CDYL2: variants seen among roughly 807,000 people sequenced by gnomAD.
CDYL2 encodes chromodomain Y-like protein 2.
In CDYL2, 23 loss-of-function variants were observed where a neutral mutation model predicts 49.4. The observed-to-expected ratio is 0.47, with a 90% CI of 0.34 to 0.66. The LOEUF is 0.66. Among genes scored for constraint, CDYL2 ranks in the 30% least tolerant of loss-of-function variants. The pLI, the probability that CDYL2 is intolerant of heterozygous loss-of-function variation, is 0.01. For synonymous variants in CDYL2, 360 were observed against 268.8 expected (o/e 1.34, Z -3.32); for missense variants, 678 against 656.4 (o/e 1.03, Z -0.36).
At chr16:80,759,925 A>G (rs1477575227) in intron 1 of CDYL2, among the ~76,000 whole-genome samples, 1 of 152,216 alleles carries the variant, frequency 6.6e-6, no homozygotes, top group African/African-American at 2.4e-5. Flanking sequence ...ACTGACTCAG[A>G]CTATTTAGAA....
chr16:80,715,412 C>G (rs1310241379), intron 1 of CDYL2, among the ~76,000 whole-genome samples: 1 of 152,144 alleles, frequency 6.6e-6, no homozygotes, highest in Non-Finnish European at 1.5e-5. Flanking sequence ...ATTCTGACAA[C>G]CAGAGGGCCC....
intron 1 of CDYL2, among the ~76,000 whole-genome samples, chr16:80,700,804 T>C (rs961586281): frequency 6.6e-6 from 1 of 152,268 alleles, no homozygotes; most frequent in African/African-American, 2.4e-5. Flanking sequence ...TAGGTTCACA[T>C]CATGCTAGCT....
intron 1 of CDYL2, among the ~76,000 whole-genome samples, chr16:80,710,352 G>T (rs1904553445): frequency 6.6e-6 from 1 of 152,148 alleles, no homozygotes; most frequent in African/African-American, 2.4e-5. Context: ...AACCCTTCCA[G>T]CAGTCACATA....
At chr16:80,692,891 A>AT (rs1279871128) in intron 1 of CDYL2, among the ~76,000 whole-genome samples, 1 of 152,176 alleles carries the variant, frequency 6.6e-6, no homozygotes, top group Non-Finnish European at 1.5e-5. Context: ...TGATCAGAGC[A>AT]TTTTTTCTCA....
chr16:80,710,218 T>G (rs139010673), intron 1 of CDYL2, among the ~76,000 whole-genome samples: 59 of 152,246 alleles, frequency 3.9e-4, no homozygotes, highest in African/African-American at 1.4e-3. Context: ...TGAGCCACCA[T>G]GCCTGGCCTG....
upstream of CDYL2, among the ~76,000 whole-genome samples, chr16:80,804,643 G>A (rs1440149818): frequency 6.9e-6 from 1 of 144,970 alleles, no homozygotes; most frequent in Non-Finnish European, 1.5e-5. Context: ...CCCCCGGGGC[G>A]GGGAGGCGGG....
chr16:80,703,318 G>T (rs1429346883), intron 1 of CDYL2, among the ~76,000 whole-genome samples: 2 of 152,150 alleles, frequency 1.3e-5, no homozygotes, highest in Admixed American at 1.3e-4. Context: ...ACTAGACTGT[G>T]GCCTCCTTGA....
intron 2 of CDYL2, among the ~76,000 whole-genome samples, chr16:80,663,509 T>G (rs1209171626): frequency 6.6e-6 from 1 of 152,224 alleles, no homozygotes; most frequent in Non-Finnish European, 1.5e-5. Flanking sequence ...CTTCGAATTT[T>G]AAGAAAGTTT....
intron 1 of CDYL2, among the ~76,000 whole-genome samples, chr16:80,762,526 A>G (rs978291652): frequency 4.6e-5 from 7 of 152,242 alleles, no homozygotes; most frequent in Admixed American, 3.3e-4. Context: ...ATTTCAGGCC[A>G]AAGCGTGATG....
At chr16:80,734,958 T>G (rs1161860231) in intron 1 of CDYL2, 1 of 152,248 alleles carries the variant, frequency 6.6e-6, no homozygotes, top group Non-Finnish European at 1.5e-5. Flanking sequence ...CAGTGATCCC[T>G]GAGCACTGAG....
intron 2 of CDYL2, among the ~76,000 whole-genome samples, chr16:80,675,510 G>A (rs546403025): frequency 6.6e-6 from 1 of 152,296 alleles, no homozygotes; most frequent in South Asian, 2.1e-4. Context: ...CACCACCGCT[G>A]CCACCATTAT....
chr16:80,771,698 G>C (rs1006240692), intron 1 of CDYL2, among the ~76,000 whole-genome samples: 1 of 151,930 alleles, frequency 6.6e-6, no homozygotes, highest in Non-Finnish European at 1.5e-5. Context: ...ACTCCAGCTT[G>C]GGTGTCAAAG....
chr16:80,629,321 T>C (rs1321679265), intron 3 of CDYL2, among the ~76,000 whole-genome samples: 3 of 152,212 alleles, frequency 2.0e-5, no homozygotes, highest in Non-Finnish European at 4.4e-5. Context: ...AATAGCCTAG[T>C]AGTGGACTGT....
At chr16:80,741,244 A>G (rs1433969254) in intron 1 of CDYL2, among the ~76,000 whole-genome samples, 1 of 151,280 alleles carries the variant, frequency 6.6e-6, no homozygotes, top group Non-Finnish European at 1.5e-5. Context: ...TCTAGATTCA[A>G]TAAAGTGGGA....
chr16:80,739,017 A>G lies in CDYL2; in HGVS notation c.25-53888T>C, dbSNP rs114151118. ...GTGGAAGCAACCCGATTTTCCATCA[A>G]TGGATGAATGGATAAACAAAACGTG... On this transcript the variant is annotated intron_variant, in intron 1 of 6. Transcript: ENST00000570137. Among the ~76,000 whole-genome samples the G allele has an allele frequency of 9.5e-3, 1,454 of 152,356 alleles. 27 individuals are homozygous for G. The highest frequency in any genetic ancestry group is 0.033 in the African/African-American group (1,365 of 41,584).
intron 2 of CDYL2, among the ~76,000 whole-genome samples, chr16:80,681,448 C>T (rs1909963830): frequency 6.6e-6 from 1 of 152,182 alleles, no homozygotes; most frequent in African/African-American, 2.4e-5. Flanking sequence ...CATGGAAACA[C>T]GTTTTGCTGG....
At chr16:80,654,883 GTC>G (rs1908738951) in intron 2 of CDYL2, among the ~76,000 whole-genome samples, 1 of 152,230 alleles carries the variant, frequency 6.6e-6, no homozygotes, top group South Asian at 2.1e-4. Flanking sequence ...AAACACGAGT[GTC>G]TAATTACAAG....
At chr16:80,785,463 G>C (rs139516475) in intron 1 of CDYL2, among the ~76,000 whole-genome samples, 2,649 of 152,098 alleles carry the variant, frequency 0.017, 57 homozygotes, top group East Asian at 0.054. Flanking sequence ...GGAAATGAGA[G>C]GACACAAACA....
At chr16:80,669,044 A>G (rs545268205) in intron 2 of CDYL2, among the ~76,000 whole-genome samples, 1 of 152,278 alleles carries the variant, frequency 6.6e-6, no homozygotes, top group East Asian at 1.9e-4. Context: ...AAGTAAAGAA[A>G]AAAAGAAGAA....
Sources: gnomAD v4.1 joint callset for allele counts (sites outside exome capture counted in the v4.1 genomes callset) on GRCh38, gnomAD v4.1.1 for gene constraint, MANE v1.5 for transcripts, NCBI Gene and HGNC (gene_info 2026-07-23, HGNC 2026-07-21) for gene names.